PBX3: variants seen among roughly 807,000 people sequenced by gnomAD.
PBX3 encodes pre-B-cell leukemia transcription factor 3.
PBX3 carries 14 observed loss-of-function variants against 48.5 expected under a neutral mutation model. The observed-to-expected ratio is 0.29, with a 90% CI of 0.19 to 0.45. PBX3 has a LOEUF of 0.45. Among genes scored for constraint, PBX3 ranks in the 20% least tolerant of loss-of-function variants. The pLI, the probability that PBX3 is intolerant of heterozygous loss-of-function variation, is 1.00. For synonymous variants in PBX3, 210 were observed against 200.3 expected (o/e 1.05, Z -0.41); for missense variants, 386 against 546.7 (o/e 0.71, Z 2.93).
At chr9:125,882,848 C>T (rs1374572868) in intron 2 of PBX3, among the ~76,000 whole-genome samples, 1 of 151,924 alleles carries the variant, frequency 6.6e-6, no homozygotes, top group Non-Finnish European at 1.5e-5. Context: ...CGCTATATAC[C>T]CCCCGTTTCA....
At position 125,812,338 on chromosome 9, in the gene PBX3, T is replaced by C. The variant is rs540619538; in HGVS notation, c.274+63715T>C. Reference sequence around the variant, plus strand: ...AATAATAAAACCAGCAGCCATGTACTCATACTCAGCTTTACCAAATATATG... The same window carrying C: ...AATAATAAAACCAGCAGCCATGTACCCATACTCAGCTTTACCAAATATATG... On this transcript the variant is annotated intron_variant, in intron 2 of 8. Coordinates refer to ENST00000373489, the MANE Select transcript of PBX3 (RefSeq NM_006195.6). 1.7e-4 allele frequency among the ~76,000 whole-genome samples: 26 copies of C among 152,360 alleles called. No individual in the cohort carries two copies. The South Asian group carries it at 5.4e-3, about 32-fold the overall frequency.
At chr9:125,906,085 A>G (rs1564166965) in intron 2 of PBX3, among the ~76,000 whole-genome samples, 1 of 152,084 alleles carries the variant, frequency 6.6e-6, no homozygotes, top group Non-Finnish European at 1.5e-5. Flanking sequence ...ATAGGAATAT[A>G]GAAGCCATTT....
intron 2 of PBX3, among the ~76,000 whole-genome samples, chr9:125,829,922 A>G (rs7873499): frequency 0.5 from 76,299 of 151,936 alleles, 21,255 homozygotes; most frequent in South Asian, 0.63. Flanking sequence ...ATCTGCATTT[A>G]CACATTAGTT....
chr9:125,915,182 T>C (rs1223532422), intron 2 of PBX3, among the ~76,000 whole-genome samples: 1 of 152,226 alleles, frequency 6.6e-6, no homozygotes, highest in African/African-American at 2.4e-5. Context: ...TCTAATGTTG[T>C]TTATTTTTCA....
intron 2 of PBX3, among the ~76,000 whole-genome samples, chr9:125,863,033 G>A (rs528631404): frequency 6.6e-6 from 1 of 152,112 alleles, no homozygotes; most frequent in East Asian, 1.9e-4. Context: ...GAGTAGCTGG[G>A]ACTACAGGCA....
At chr9:125,947,227 G>A (rs982927955) in intron 5 of PBX3, among the ~76,000 whole-genome samples, 3 of 152,144 alleles carry the variant, frequency 2.0e-5, no homozygotes, top group Non-Finnish European at 4.4e-5. Flanking sequence ...AGGAGATACA[G>A]GAAGGAGTAG....
Position 125,798,796 on chromosome 9 carries a change from C to T in PBX3, c.274+50173C>T, listed in dbSNP as rs186042204. ...AAAGTTATGTTTGGATATAACTAAGCAAATGTATATTTGTTCCCTTCTAAT... is the reference window on the plus strand; with the variant it reads ...AAAGTTATGTTTGGATATAACTAAGTAAATGTATATTTGTTCCCTTCTAAT... On this transcript the variant is annotated intron_variant, in intron 2 of 8. Transcript: ENST00000373489. Among the ~76,000 whole-genome samples, 5 of 152,150 alleles carry T rather than the reference C, an allele frequency of 3.3e-5. No homozygotes were observed. The East Asian group carries it at 9.6e-4, about 29-fold the overall frequency.
intron 2 of PBX3, among the ~76,000 whole-genome samples, chr9:125,813,840 C>T (rs1206166204): frequency 6.6e-6 from 1 of 150,982 alleles, no homozygotes; most frequent in Non-Finnish European, 1.5e-5. Context: ...TGAATCTACT[C>T]AATGAAAAGA....
At chr9:125,879,077 C>CTTTTTTT (rs36094728) in intron 2 of PBX3, among the ~76,000 whole-genome samples, 7 of 124,624 alleles carry the variant, frequency 5.6e-5, no homozygotes, top group Non-Finnish European at 9.8e-5. Flanking sequence ...ACATGCTATT[C>CTTTTTTT]TTTTTTTTTT....
At chr9:125,919,235 A>G (rs1378005960) in intron 3 of PBX3, among the ~76,000 whole-genome samples, 2 of 151,404 alleles carry the variant, frequency 1.3e-5, no homozygotes, top group Non-Finnish European at 2.9e-5. Flanking sequence ...TTTTTTTAAG[A>G]CAGAATCTCA....
At chr9:125,871,908 G>C (rs775421735) in intron 2 of PBX3, among the ~76,000 whole-genome samples, 1 of 152,176 alleles carries the variant, frequency 6.6e-6, no homozygotes, top group Admixed American at 6.5e-5. Context: ...TGTATTTCTA[G>C]ACCTAGGTAG....
chr9:125,905,092 G>T (rs1459793199), intron 2 of PBX3, among the ~76,000 whole-genome samples: 2 of 151,920 alleles, frequency 1.3e-5, no homozygotes, highest in Admixed American at 1.3e-4. Context: ...CTTCAGAGAA[G>T]TGGGTTGAAT....
intron 3 of PBX3, among the ~76,000 whole-genome samples, chr9:125,927,180 T>G (rs894448293): frequency 5.3e-5 from 8 of 152,220 alleles, no homozygotes; most frequent in Non-Finnish European, 1.2e-4. Flanking sequence ...AACATAACTC[T>G]CACTCTTGAA....
chr9:125,811,492 G>T (rs541600754), intron 2 of PBX3, among the ~76,000 whole-genome samples: 6 of 152,238 alleles, frequency 3.9e-5, no homozygotes, highest in African/African-American at 1.4e-4. Flanking sequence ...GGTTTTATAA[G>T]GAGTTTCCCC....
chr9:125,947,602 A>T (rs1242706121), intron 5 of PBX3, among the ~76,000 whole-genome samples: 1 of 152,184 alleles, frequency 6.6e-6, no homozygotes, highest in Non-Finnish European at 1.5e-5. Flanking sequence ...GCAAGGAAAA[A>T]AGAGAAAATG....
At chr9:125,748,228 T>C (rs1836258871) in intron 1 of PBX3, 1 of 1,027,686 alleles carries the variant, frequency 9.7e-7, no homozygotes, top group South Asian at 3.7e-5. Context: ...CGGGAGCCCC[T>C]CCGCACCCGT....
rs16928489 is a variant in PBX3, at chr9:125,905,969, C to A, written c.275-9717C>A. Among the ~76,000 whole-genome samples the A allele has an allele frequency of 0.018, 2,691 of 151,940 alleles. 207 individuals are homozygous for A. In the East Asian group the frequency reaches 0.23, roughly 13 times the overall value. On this transcript the variant is annotated intron_variant, in intron 2 of 8. Coordinates refer to ENST00000373489, the MANE Select transcript of PBX3 (RefSeq NM_006195.6). ...TGGAAGAGAGTGATGGATATACTAC[C>A]ATGAGAAGCACTAATATCCTTTTTG...
At chr9:125,878,489 A>G (rs1451355725) in intron 2 of PBX3, among the ~76,000 whole-genome samples, 2 of 152,224 alleles carry the variant, frequency 1.3e-5, no homozygotes, top group Non-Finnish European at 2.9e-5. Flanking sequence ...ACCAAAAGAA[A>G]GGCCTAGATA....
intron 2 of PBX3, among the ~76,000 whole-genome samples, chr9:125,883,858 C>T (rs921800760): frequency 5.9e-5 from 9 of 152,162 alleles, no homozygotes; most frequent in African/African-American, 1.9e-4. Flanking sequence ...CTAATGCTTA[C>T]CTGAAAGGAC....
Sources: allele counts gnomAD v4.1 joint callset (sites outside exome capture counted in the v4.1 genomes callset), GRCh38; gene constraint gnomAD v4.1.1; transcripts MANE v1.5; gene names NCBI Gene and HGNC (gene_info 2026-07-23, HGNC 2026-07-21).